Variants in EDIL3 observed in about 807,000 individuals in gnomAD.
The protein encoded by EDIL3 is EGF-like repeat and discoidin I-like domain-containing protein 3.
A neutral mutation model predicts 67.4 loss-of-function variants in EDIL3; 37 were observed. The observed-to-expected ratio is 0.55, with a 90% CI of 0.42 to 0.72. EDIL3 has a LOEUF of 0.72. EDIL3 is among the 30% of genes least tolerant of loss of function. EDIL3 has a pLI of 0.00. For missense variants in EDIL3, 527 were observed against 586.3 expected, an observed-to-expected ratio of 0.90 and a Z score of 1.04; for synonymous variants, 195 against 196.3, an observed-to-expected ratio of 0.99 and a Z score of 0.05.
intron 1 of EDIL3, among the ~76,000 whole-genome samples, chr5:84,315,155 T>G (rs550703382): frequency 3.9e-5 from 6 of 152,304 alleles, no homozygotes; most frequent in Non-Finnish European, 2.9e-5. Context: ...ATACTCATTA[T>G]GTTTCTCAAT....
chr5:84,280,566 G>A (rs578168430), intron 1 of EDIL3, among the ~76,000 whole-genome samples: 3 of 152,256 alleles, frequency 2.0e-5, no homozygotes, highest in South Asian at 4.1e-4. Flanking sequence ...GGTTAAGAAT[G>A]TGAGCCCTGG....
At chr5:84,277,179 T>G (rs576169593) in intron 1 of EDIL3, among the ~76,000 whole-genome samples, 74 of 152,270 alleles carry the variant, frequency 4.9e-4, no homozygotes, top group Middle Eastern at 6.8e-3. Context: ...AAGATTCATA[T>G]GTTGAAATTT....
Position 84,340,526 on chromosome 5 carries a change from CTCTCTCTCTATATATA to C in EDIL3, c.67+43766_67+43781del, listed in dbSNP as rs1434298034. 1.2e-4 allele frequency among the ~76,000 whole-genome samples: 9 copies of C among 72,392 alleles called. No homozygotes were observed. In the South Asian group the frequency reaches 3.0e-3, roughly 24 times the overall value. The allele number at this position is 72,392 out of a possible 152,430, so 47.5% of individuals were successfully genotyped here. A position where few individuals can be genotyped will look rare whatever the true frequency, so the allele number is the denominator to read the frequency against. ...TTACTCTCTCTCTCTCTCTCTCTCT[CTCTCTCTCTATATATA>C]TATATATATATATATATATATATAT... On this transcript the variant is annotated intron_variant, in intron 1 of 10. Coordinates refer to ENST00000296591, the MANE Select transcript of EDIL3 (RefSeq NM_005711.5).
Position 84,216,244 on chromosome 5 carries a change from G to A in EDIL3, c.226+13611C>T, listed in dbSNP as rs139347415. On this transcript the variant is annotated intron_variant, in intron 3 of 10. Coordinates refer to ENST00000296591, the MANE Select transcript of EDIL3 (RefSeq NM_005711.5). ...TATTTTTAATGCAAGTATGTAAAAT[G>A]GATGAAGGCAGTCAGGGAGATTTTC... 1.7e-3 allele frequency among the ~76,000 whole-genome samples: 257 copies of A among 152,242 alleles called. 2 individuals carry two copies. Among genetic ancestry groups the A allele is most frequent in the African/African-American group, 4.6e-3 (192 of 41,536 alleles).
intron 9 of EDIL3, among the ~76,000 whole-genome samples, chr5:84,026,505 C>T (rs558799024): frequency 2.4e-4 from 37 of 152,074 alleles, no homozygotes; most frequent in African/African-American, 8.9e-4. Flanking sequence ...ATTTAACCTT[C>T]TGCCTCTGCA....
chr5:84,312,179 G>A (rs535250002), intron 1 of EDIL3, among the ~76,000 whole-genome samples: 51 of 149,924 alleles, frequency 3.4e-4, no homozygotes, highest in Admixed American at 7.9e-4. Context: ...GCAGCTGGCC[G>A]GGCGGGGGCT....
intron 1 of EDIL3, among the ~76,000 whole-genome samples, chr5:84,327,323 A>T (rs1746783709): frequency 6.6e-6 from 1 of 150,998 alleles, no homozygotes; most frequent in South Asian, 2.1e-4. Context: ...CCATTCTTTT[A>T]AAAAAAAATT....
intron 9 of EDIL3, among the ~76,000 whole-genome samples, chr5:84,005,780 T>C (rs926839157): frequency 6.6e-6 from 1 of 151,974 alleles, no homozygotes; most frequent in African/African-American, 2.4e-5. Flanking sequence ...GGATGCCCAC[T>C]CTCACCTATT....
intron 1 of EDIL3, among the ~76,000 whole-genome samples, chr5:84,337,641 A>G (rs1034099683): frequency 2.6e-5 from 4 of 152,154 alleles, no homozygotes; most frequent in African/African-American, 4.8e-5. Flanking sequence ...TTCTGGCACC[A>G]TATAGGGTTT....
intron 9 of EDIL3, among the ~76,000 whole-genome samples, chr5:83,996,247 T>A (rs986907482): frequency 6.6e-6 from 1 of 152,202 alleles, no homozygotes; most frequent in Admixed American, 6.5e-5. Context: ...AGAATTTTCA[T>A]GGTGCCTATA....
chr5:84,115,754 T>C (rs145513329), intron 5 of EDIL3, among the ~76,000 whole-genome samples: 60 of 152,342 alleles, frequency 3.9e-4, no homozygotes, highest in South Asian at 3.9e-3. Context: ...CAAAAACCTG[T>C]AGCTGTACAC....
At chr5:84,206,383 T>A (rs1466793799) in intron 3 of EDIL3, among the ~76,000 whole-genome samples, 1 of 152,122 alleles carries the variant, frequency 6.6e-6, no homozygotes, top group Non-Finnish European at 1.5e-5. Flanking sequence ...AAAAAATGTA[T>A]ATTCTGTTGA....
At chr5:84,023,469 G>A (rs997040703) in intron 9 of EDIL3, among the ~76,000 whole-genome samples, 10 of 151,902 alleles carry the variant, frequency 6.6e-5, no homozygotes, top group Non-Finnish European at 1.2e-4. Flanking sequence ...AAATTTAGTC[G>A]AAACCCTATA....
intron 6 of EDIL3, among the ~76,000 whole-genome samples, chr5:84,081,011 A>T (rs1440046452): frequency 3.9e-5 from 6 of 152,240 alleles, no homozygotes; most frequent in African/African-American, 1.4e-4. Flanking sequence ...ACATATGCAT[A>T]AACATAAAAC....
chr5:84,092,206 T>C (rs1004775037), intron 6 of EDIL3, among the ~76,000 whole-genome samples: 3 of 152,194 alleles, frequency 2.0e-5, no homozygotes, highest in Non-Finnish European at 4.4e-5. Flanking sequence ...TTTTTTATGA[T>C]AAAAGCAAGT....
chr5:84,082,789 A>T (rs2112259917), intron 6 of EDIL3, among the ~76,000 whole-genome samples: 1 of 148,866 alleles, frequency 6.7e-6, no homozygotes, highest in East Asian at 2.0e-4. Flanking sequence ...TAAACTAAAT[A>T]TTCCTTAGTT....
chr5:84,073,148 T>G (rs532643306), intron 6 of EDIL3, among the ~76,000 whole-genome samples: 22 of 152,058 alleles, frequency 1.4e-4, no homozygotes, highest in African/African-American at 5.1e-4. Flanking sequence ...ATTCAACAAC[T>G]CTTCATGCTA....
intron 1 of EDIL3, among the ~76,000 whole-genome samples, chr5:84,364,183 G>T (rs1371827670): frequency 6.6e-6 from 1 of 152,076 alleles, no homozygotes; most frequent in Non-Finnish European, 1.5e-5. Context: ...CAGTTTTCAG[G>T]TTCTGAAATC....
At chr5:84,074,418 A>C (rs1053612214) in intron 6 of EDIL3, among the ~76,000 whole-genome samples, 3 of 152,232 alleles carry the variant, frequency 2.0e-5, no homozygotes, top group African/African-American at 7.2e-5. Flanking sequence ...TTCAACCCAC[A>C]AAATGGGAGA....
Sources: gnomAD v4.1 joint callset for allele counts (sites outside exome capture counted in the v4.1 genomes callset) on GRCh38, gnomAD v4.1.1 for gene constraint, MANE v1.5 for transcripts, NCBI Gene and HGNC (gene_info 2026-07-23, HGNC 2026-07-21) for gene names.